Variants in COL14A1 observed in about 807,000 individuals in gnomAD.
COL14A1 encodes collagen alpha-1(XIV) chain.
COL14A1 carries 136 observed loss-of-function variants against 230.3 expected under a neutral mutation model. That is an observed-to-expected ratio of 0.59 (90% CI 0.51 to 0.68). COL14A1 has a LOEUF of 0.68. COL14A1 is among the 30% of genes least tolerant of loss of function. The pLI, the probability that COL14A1 is intolerant of heterozygous loss-of-function variation, is 0.00. For missense variants in COL14A1, 1,976 were observed against 2,215.8 expected (o/e 0.89, Z 2.17); for synonymous variants, 792 against 784.1 (o/e 1.01, Z -0.17).
At chr8:120,193,315 A>C (rs905330129) in intron 5 of COL14A1, among the ~76,000 whole-genome samples, 3 of 152,340 alleles carry the variant, frequency 2.0e-5, no homozygotes, top group Admixed American at 1.3e-4. Flanking sequence ...GGTCCACTCC[A>C]GACCCTGTTT....
At chr8:120,332,255 G>A in intron 41 of COL14A1, 61 bp downstream of exon 41, 1 of 1,512,998 alleles carries the variant, frequency 6.6e-7, no homozygotes, top group Non-Finnish European at 9.2e-7. Flanking sequence ...TTTCTTTTGA[G>A]AGGTTTTCTT....
chr8:120,316,291 C>A (rs1392546690), intron 40 of COL14A1, among the ~76,000 whole-genome samples: 1 of 152,086 alleles, frequency 6.6e-6, no homozygotes, highest in African/African-American at 2.4e-5. Context: ...TAGTAGATTT[C>A]TCCAGTTCTT....
chr8:120,236,411 T>C (rs920379254), intron 19 of COL14A1, among the ~76,000 whole-genome samples: 4 of 152,126 alleles, frequency 2.6e-5, no homozygotes, highest in African/African-American at 4.8e-5. Flanking sequence ...GCTTAAAATC[T>C]GTTTTATCAG....
chr8:120,341,146 C>A (rs1822280557), intron 42 of COL14A1, among the ~76,000 whole-genome samples, 179 bp from the exon 43 acceptor site: 1 of 152,110 alleles, frequency 6.6e-6, no homozygotes, highest in African/African-American at 2.4e-5. Context: ...CTTAACAGAG[C>A]TTTTTATGTT....
intron 8 of COL14A1, among the ~76,000 whole-genome samples, chr8:120,201,464 A>G (rs576489080): frequency 3.8e-4 from 58 of 152,284 alleles, no homozygotes; most frequent in African/African-American, 1.4e-3. Flanking sequence ...GGCAAACACT[A>G]CAAATGAGGG....
rs181077125 is a variant in COL14A1 at position 120,175,477 on chromosome 8, A to T, written c.436+7230A>T. Among the ~76,000 whole-genome samples the T allele has an allele frequency of 1.0e-3, 157 of 152,208 alleles. 1 individual carries two copies. Among genetic ancestry groups the T allele is most frequent in the African/African-American group, 3.5e-3 (147 of 41,548 alleles). On this transcript the variant is annotated intron_variant, in intron 5 of 47. Coordinates refer to ENST00000297848, the MANE Select transcript of COL14A1 (RefSeq NM_021110.4). ...GATTTTTTAAAATACTGTAGTCTCT[A>T]CGGTGATATAAGGGGTGACTCTCAG...
chr8:120,162,784 T>G (rs902228067), intron 4 of COL14A1, among the ~76,000 whole-genome samples: 2 of 152,198 alleles, frequency 1.3e-5, no homozygotes, highest in African/African-American at 4.8e-5. Context: ...TACTTATCCT[T>G]TATGCTTTAG....
intron 19 of COL14A1, among the ~76,000 whole-genome samples, chr8:120,241,097 CAA>C (rs975458521): frequency 2.6e-5 from 4 of 152,180 alleles, no homozygotes; most frequent in Admixed American, 2.6e-4. Flanking sequence ...TAAGAATACT[CAA>C]AGTGTGACTC....
chr8:120,360,900 T>C (rs974854574), intron 45 of COL14A1, among the ~76,000 whole-genome samples: 1 of 152,228 alleles, frequency 6.6e-6, no homozygotes, highest in African/African-American at 2.4e-5. Flanking sequence ...ATGGAAAGCA[T>C]TGAGGAAGAT....
intron 17 of COL14A1, among the ~76,000 whole-genome samples, chr8:120,228,280 C>T (rs191693134): frequency 1.2e-4 from 18 of 152,306 alleles, no homozygotes; most frequent in Middle Eastern, 3.4e-3. Context: ...TATATGCCCA[C>T]GGTGGCTGTA....
chr8:120,358,212 A>T (rs1823052864), intron 45 of COL14A1, among the ~76,000 whole-genome samples: 1 of 152,216 alleles, frequency 6.6e-6, no homozygotes, highest in Non-Finnish European at 1.5e-5. Flanking sequence ...TCAATGGCTG[A>T]TTAATCCCAC....
At chr8:120,229,530 G>A (rs1818202747) in intron 18 of COL14A1, among the ~76,000 whole-genome samples, 2 of 151,982 alleles carry the variant, frequency 1.3e-5, no homozygotes, top group Non-Finnish European at 2.9e-5. Context: ...ATTTGGGTTG[G>A]TTCCAAGTCT....
At chr8:120,213,063 T>G (rs1326867279) in intron 13 of COL14A1, among the ~76,000 whole-genome samples, 1 of 152,218 alleles carries the variant, frequency 6.6e-6, no homozygotes, top group Non-Finnish European at 1.5e-5. Context: ...TATTTTCCAC[T>G]CATATCAAAA....
chr8:120,269,896 T>C (rs1819608089), intron 25 of COL14A1, 139 bp from the exon 26 acceptor site: 2 of 808,008 alleles, frequency 2.5e-6, no homozygotes, highest in Middle Eastern at 3.4e-4. Context: ...GAGTTTGGAA[T>C]ATGAACATTA....
intron 36 of COL14A1, among the ~76,000 whole-genome samples, chr8:120,307,242 G>A (rs1820882257): frequency 6.6e-6 from 1 of 152,150 alleles, no homozygotes; most frequent in African/African-American, 2.4e-5. Flanking sequence ...AAGGGGGTCA[G>A]AAAAGGCTCT....
Position 120,238,679 on chromosome 8 carries a change from C to T in COL14A1, c.2350-5200C>T, listed in dbSNP as rs557848667. Among the ~76,000 whole-genome samples, 21 of 152,260 alleles carry T rather than the reference C, an allele frequency of 1.4e-4. No individual in the cohort carries two copies. In the South Asian group the frequency reaches 3.7e-3, roughly 27 times the overall value. On this transcript the variant is annotated intron_variant, in intron 19 of 47. Transcript: ENST00000297848. ...TGAAAATAAACTCTTGCAGCTAGCT[C>T]GGTGTTTGCCCAGATGGCCACCCAG...
At chr8:120,262,370 G>A (rs180747523) in intron 23 of COL14A1, among the ~76,000 whole-genome samples, 11 of 152,168 alleles carry the variant, frequency 7.2e-5, no homozygotes, top group Admixed American at 1.3e-4. Flanking sequence ...CTACTCAGGA[G>A]GCTGAGGCAG....
chr8:120,156,461 G>A (rs1815484273), intron 2 of COL14A1, among the ~76,000 whole-genome samples: 1 of 152,166 alleles, frequency 6.6e-6, no homozygotes, highest in Admixed American at 6.5e-5. Context: ...GAGCCACCCT[G>A]CCTGGCCGAG....
chr8:120,358,657 T>G (rs1823074940), intron 45 of COL14A1, among the ~76,000 whole-genome samples: 1 of 151,202 alleles, frequency 6.6e-6, no homozygotes, highest in African/African-American at 2.4e-5. Context: ...TACTAGATAA[T>G]AAAAGAGAGA....
Sources: allele counts gnomAD v4.1 joint callset (sites outside exome capture counted in the v4.1 genomes callset), GRCh38; gene constraint gnomAD v4.1.1; transcripts MANE v1.5; gene names NCBI Gene and HGNC (gene_info 2026-07-23, HGNC 2026-07-21).